Variants in CNTN5 observed in about 807,000 individuals in gnomAD.
CNTN5 encodes the protein contactin-5.
CNTN5 carries 77 observed loss-of-function variants against 129.1 expected under a neutral mutation model. The ratio of observed to expected loss-of-function variants is 0.60; its 90% CI spans 0.50 to 0.72. The LOEUF is 0.72. CNTN5 is among the 30% of genes least tolerant of loss of function. CNTN5 has a pLI of 0.00. For synonymous variants in CNTN5, 509 were observed against 465.6 expected, an observed-to-expected ratio of 1.09 and a Z score of -1.20; for missense variants, 1,478 against 1,328.8, an observed-to-expected ratio of 1.11 and a Z score of -1.75.
At chr11:99,793,621 T>G (rs1181996820) in intron 3 of CNTN5, among the ~76,000 whole-genome samples, 1 of 152,176 alleles carries the variant, frequency 6.6e-6, no homozygotes, top group Admixed American at 6.5e-5. Context: ...GTATGCTATA[T>G]TTTGTTTTTC....
At chr11:99,409,393 G>A (rs573808621) in intron 2 of CNTN5, among the ~76,000 whole-genome samples, 3 of 152,138 alleles carry the variant, frequency 2.0e-5, no homozygotes, top group Admixed American at 6.5e-5. Context: ...GCGTGAACCC[G>A]GGAGATGGAG....
At chr11:100,103,910 A>G (rs374494566) in intron 13 of CNTN5, among the ~76,000 whole-genome samples, 1 of 152,168 alleles carries the variant, frequency 6.6e-6, no homozygotes, top group African/African-American at 2.4e-5. Flanking sequence ...TTTGACTTAC[A>G]GCAGATAAAT....
intron 8 of CNTN5, among the ~76,000 whole-genome samples, chr11:99,959,461 T>C (rs1950885752): frequency 6.6e-6 from 1 of 152,198 alleles, no homozygotes; most frequent in African/African-American, 2.4e-5. Flanking sequence ...ATAGAGATAG[T>C]ATACTGTCCA....
chr11:99,650,513 T>C (rs1316619262), intron 3 of CNTN5, among the ~76,000 whole-genome samples: 1 of 151,874 alleles, frequency 6.6e-6, no homozygotes, highest in Non-Finnish European at 1.5e-5. Context: ...ACATTACTGA[T>C]TTTTTTTAAA....
At chr11:99,745,549 T>G (rs1298819003) in intron 3 of CNTN5, among the ~76,000 whole-genome samples, 1 of 152,208 alleles carries the variant, frequency 6.6e-6, no homozygotes, top group Non-Finnish European at 1.5e-5. Context: ...TATGTAAGCT[T>G]CTTTTGATAG....
chr11:99,634,979 A>G (rs76205515), intron 3 of CNTN5, among the ~76,000 whole-genome samples: 2,248 of 152,316 alleles, frequency 0.015, 65 homozygotes, highest in African/African-American at 0.05. Flanking sequence ...AAATAGATAA[A>G]TAGAAGACAA....
At chr11:100,300,249 A>AT (rs1951188767) in intron 20 of CNTN5, among the ~76,000 whole-genome samples, 1 of 151,470 alleles carries the variant, frequency 6.6e-6, no homozygotes, top group African/African-American at 2.4e-5. Flanking sequence ...TAAAAATGCA[A>AT]TTTTCTGGGT....
intron 13 of CNTN5, among the ~76,000 whole-genome samples, chr11:100,130,090 AAAG>A (rs1468618532): frequency 1.3e-5 from 2 of 152,196 alleles, no homozygotes; most frequent in African/African-American, 2.4e-5. Context: ...TCTCAGAAAA[AAAG>A]AAGTAATGCA....
chr11:99,430,465 T>C (rs1221531171), intron 2 of CNTN5, among the ~76,000 whole-genome samples: 1 of 149,488 alleles, frequency 6.7e-6, no homozygotes, highest in Non-Finnish European at 1.5e-5. Context: ...CCTTTATATA[T>C]ATATAAGAGA....
chr11:99,339,431 T>C (rs1364788451), intron 2 of CNTN5, among the ~76,000 whole-genome samples: 1 of 151,996 alleles, frequency 6.6e-6, no homozygotes, highest in Non-Finnish European at 1.5e-5. Context: ...GCATAAAGAA[T>C]GTAAGGGTGC....
chr11:99,109,353 C>T (rs182789438), intron 1 of CNTN5, among the ~76,000 whole-genome samples: 5 of 150,900 alleles, frequency 3.3e-5, no homozygotes. Flanking sequence ...GAACTCCTCG[C>T]AGTTTATACA....
chr11:99,794,687 G>A (rs1945870625), intron 3 of CNTN5, among the ~76,000 whole-genome samples: 1 of 152,078 alleles, frequency 6.6e-6, no homozygotes, highest in Non-Finnish European at 1.5e-5. Flanking sequence ...ATGATGCTTA[G>A]TTTGGCTGGA....
At chr11:99,761,299 G>C (rs1026925735) in intron 3 of CNTN5, among the ~76,000 whole-genome samples, 4 of 151,890 alleles carry the variant, frequency 2.6e-5, no homozygotes, top group African/African-American at 9.7e-5. Flanking sequence ...AAGTTTTAGG[G>C]TACGTGTGCA....
intron 2 of CNTN5, among the ~76,000 whole-genome samples, chr11:99,516,956 A>T (rs79168695): frequency 0.066 from 10,008 of 152,172 alleles, 367 homozygotes; most frequent in African/African-American, 0.098. Context: ...ACTAATTGTG[A>T]TTGACATGAA....
At chr11:99,544,701 G>T (rs984959753) in intron 2 of CNTN5, among the ~76,000 whole-genome samples, 2 of 152,138 alleles carry the variant, frequency 1.3e-5, no homozygotes, top group African/African-American at 4.8e-5. Flanking sequence ...GTTCCTAGGA[G>T]TCTGCAAAGG....
chr11:99,531,878 G>A (rs1410593516), intron 2 of CNTN5, among the ~76,000 whole-genome samples: 3 of 152,156 alleles, frequency 2.0e-5, no homozygotes, highest in Non-Finnish European at 4.4e-5. Context: ...CTGTAGGGGC[G>A]GGGCCCTACA....
At chr11:99,993,986 T>G (rs1939289329) in intron 8 of CNTN5, among the ~76,000 whole-genome samples, 1 of 152,182 alleles carries the variant, frequency 6.6e-6, no homozygotes. Flanking sequence ...CTTTTTGTTT[T>G]ATTTTTAATA....
intron 3 of CNTN5, among the ~76,000 whole-genome samples, chr11:99,798,841 A>G (rs1347126324): frequency 6.6e-6 from 1 of 152,170 alleles, no homozygotes; most frequent in Non-Finnish European, 1.5e-5. Flanking sequence ...TTGAATTTGC[A>G]GCTTGCTCTG....
At chr11:99,511,264 A>G (rs1336629562) in intron 2 of CNTN5, among the ~76,000 whole-genome samples, 2 of 152,100 alleles carry the variant, frequency 1.3e-5, no homozygotes, top group Non-Finnish European at 2.9e-5. Flanking sequence ...GTTGGTTTCA[A>G]AGAACATCTT....
Sources: gnomAD v4.1 joint callset for allele counts (sites outside exome capture counted in the v4.1 genomes callset) on GRCh38, gnomAD v4.1.1 for gene constraint, MANE v1.5 for transcripts, NCBI Gene and HGNC (gene_info 2026-07-23, HGNC 2026-07-21) for gene names.